CAPN11: variants seen among roughly 807,000 people sequenced by gnomAD.
The protein encoded by CAPN11 is calpain 11, also known as calpain-11.
Under a neutral mutation model 105.3 loss-of-function variants are expected in CAPN11, and 108 were observed. The observed-to-expected ratio is 1.03, with a 90% confidence interval of 0.88 to 1.20. CAPN11 has a LOEUF of 1.20. Among genes scored for constraint, CAPN11 ranks in the 50% most tolerant of loss-of-function variants. The pLI is 0.00. For missense variants in CAPN11, 883 were observed against 924.8 expected, an observed-to-expected ratio of 0.95 and a Z score of 0.59; for synonymous variants, 329 against 344.5, an observed-to-expected ratio of 0.96 and a Z score of 0.50.
At chr6:44,183,077 G>A in intron 20 of CAPN11, 42 bp from the exon 21 acceptor site, 1 of 1,595,520 alleles carries the variant, frequency 6.3e-7, no homozygotes, top group African/African-American at 1.3e-5. Flanking sequence ...GTGTCCAGAG[G>A]CCCAGACTTT....
intron 1 of CAPN11, among the ~76,000 whole-genome samples, chr6:44,159,979 C>A (rs1768415105): frequency 6.6e-6 from 1 of 151,886 alleles, no homozygotes; most frequent in Non-Finnish European, 1.5e-5. Flanking sequence ...TACTAAAATA[C>A]AAAAATTAGC....
intron 12 of CAPN11, among the ~76,000 whole-genome samples, chr6:44,178,998 A>G (rs1772665195): frequency 6.6e-6 from 1 of 152,172 alleles, no homozygotes; most frequent in African/African-American, 2.4e-5. Context: ...AAGCACACTG[A>G]GGTGCTGATA....
intron 7 of CAPN11, among the ~76,000 whole-genome samples, chr6:44,175,307 C>T (rs1009192004): frequency 6.6e-5 from 10 of 152,202 alleles, no homozygotes; most frequent in African/African-American, 2.2e-4. Flanking sequence ...TGGCAAGACC[C>T]AATCTCTACT....
intron 4 of CAPN11, among the ~76,000 whole-genome samples, chr6:44,170,992 G>A (rs773065068): frequency 1.3e-5 from 2 of 152,186 alleles, no homozygotes; most frequent in Non-Finnish European, 2.9e-5. Flanking sequence ...GCAGAGCAGA[G>A]GCCAAGGAGA....
At chr6:44,165,892 A>G (rs961247944) in intron 1 of CAPN11, among the ~76,000 whole-genome samples, 3 of 152,146 alleles carry the variant, frequency 2.0e-5, no homozygotes, top group Non-Finnish European at 4.4e-5. Flanking sequence ...TCGGGGGAGC[A>G]TATGTGATGA....
chr6:44,166,101 T>C (rs1259198027), intron 1 of CAPN11, among the ~76,000 whole-genome samples: 1 of 151,970 alleles, frequency 6.6e-6, no homozygotes, highest in Non-Finnish European at 1.5e-5. Context: ...GGGTTCATTA[T>C]AGGACCTGAG....
At chr6:44,174,527 A>G (rs1771603205) in intron 7 of CAPN11, among the ~76,000 whole-genome samples, 1 of 151,458 alleles carries the variant, frequency 6.6e-6, no homozygotes, top group African/African-American at 2.4e-5. Context: ...AAAAAAAAAA[A>G]AAAAAAGAAA....
Position 44,169,926 on chromosome 6 carries a change from A to G in CAPN11, c.360A>G (p.Leu120=), listed in dbSNP as rs2275745. 9.7e-4 allele frequency: 1,568 copies of G among 1,612,054 alleles called. 31 individuals are homozygous for G. In the East Asian group the frequency reaches 0.026, roughly 26 times the overall value. The change falls in exon 4 of 23, where the codon CTA becomes CTG. Residue 120 remains leucine, a synonymous_variant. Coordinates refer to ENST00000398776, the MANE Select transcript of CAPN11 (RefSeq NM_007058.4). The part of the protein sequence containing the change: ...QRPKDIINNP[L]FIMDGISPTD... ...TGCAGGATATCATAAACAACCCTCT[A>G]TTCATCATGGATGGGATTTCTCCAA...
intron 2 of CAPN11, among the ~76,000 whole-genome samples, 186 bp downstream of exon 2, chr6:44,167,015 G>A (rs889659922): frequency 6.6e-6 from 1 of 152,082 alleles, no homozygotes; most frequent in Non-Finnish European, 1.5e-5. Context: ...GGGGGCGGAG[G>A]TGTGGGCAGG....
In CAPN11 at chr6:44,169,529, A is replaced by C. The variant is rs752928456; in HGVS notation, c.337A>C (p.Lys113Gln). 26 of 1,568,250 alleles carry C rather than the reference A, an allele frequency of 1.7e-5. No homozygotes were observed. The highest frequency in any genetic ancestry group is 2.2e-5 in the Non-Finnish European group (25 of 1,156,608). ...NVQNISWQRP[K>Q]DIINNPLFIM... ...GCAGAACATCTCCTGGCAGCGGCCC[A>C]AGGTGGGCACTGGAAGGGAGGCATG... The change falls in exon 3 of 23, where the codon AAG (lysine) becomes CAG (glutamine). Residue 113 changes from lysine to glutamine, a missense_variant and splice_region_variant. Lys to Gln is a moderately conservative substitution (Grantham distance 53, BLOSUM62 1). Coordinates refer to ENST00000398776, the MANE Select transcript of CAPN11 (RefSeq NM_007058.4).
chr6:44,169,436 G>A lies in CAPN11; in HGVS notation c.244G>A (p.Asp82Asn). 6.2e-7 allele frequency: 1 copy of A among 1,613,132 alleles called. No homozygotes were observed. Among genetic ancestry groups the A allele is most frequent in the Non-Finnish European group, 8.5e-7 (1 of 1,179,564 alleles). The part of the protein sequence containing the change: ...ACLRKGELFE[D>N]PLFPAEPSSL... Reference sequence around the variant, plus strand: ...TCTAAGAAAGGGGGAGCTCTTCGAGGACCCCTTATTCCCTGCTGAACCCAG... The same window carrying A: ...TCTAAGAAAGGGGGAGCTCTTCGAGAACCCCTTATTCCCTGCTGAACCCAG... Residue 82 changes from aspartate (D) to asparagine (N), a missense_variant, in exon 3 of 23, where the codon GAC becomes AAC. Physicochemically the swap from Asp to Asn is conservative, Grantham distance 23. Transcript: ENST00000398776.
Position 44,181,305 on chromosome 6 carries a change from A to G in CAPN11, c.1923A>G (p.Lys641=), listed in dbSNP as rs371969269. 640 of 1,613,104 alleles carry G rather than the reference A, an allele frequency of 4.0e-4. No individual in the cohort carries two copies. Among genetic ancestry groups the G allele is most frequent in the Non-Finnish European group, 5.1e-4 (597 of 1,179,552 alleles). ...GLLEFKILWK[K]LKKWMDIFRE... ...TAGAGTTCAAGATCCTGTGGAAAAA[A>G]CTCAAGAAATGGATGGTAAAGGGCA... is the stretch of plus-strand genomic sequence containing the variant. Residue 641 remains lysine (K), a synonymous_variant, in exon 19 of 23, where the codon AAA becomes AAG. Transcript: ENST00000398776.
At chr6:44,159,566 G>A (rs1187209701) in intron 1 of CAPN11, among the ~76,000 whole-genome samples, 4 of 152,028 alleles carry the variant, frequency 2.6e-5, no homozygotes, top group Non-Finnish European at 5.9e-5. Flanking sequence ...GGCCCTCCCT[G>A]TTTACCTGAC....
intron 1 of CAPN11, 108 bp from the exon 2 acceptor site, chr6:44,166,650 C>A (rs888322503): frequency 2.0e-5 from 16 of 814,584 alleles, no homozygotes; most frequent in Non-Finnish European, 3.3e-5. Flanking sequence ...CGCCCCAACC[C>A]AGTTCTTTTC....
At chr6:44,170,907 A>G (rs1770877772) in intron 4 of CAPN11, among the ~76,000 whole-genome samples, 1 of 152,152 alleles carries the variant, frequency 6.6e-6, no homozygotes, top group Non-Finnish European at 1.5e-5. Context: ...CTGCCTCTTT[A>G]GGGATAAAGC....
intron 7 of CAPN11, 30 bp from the exon 8 acceptor site, chr6:44,176,038 C>T: frequency 6.5e-7 from 1 of 1,530,442 alleles, no homozygotes; most frequent in South Asian, 1.1e-5. Context: ...TCCATGCCCT[C>T]CATGCTCTCC....
chr6:44,178,863 C>A (rs373386666), intron 12 of CAPN11, among the ~76,000 whole-genome samples: 1 of 151,782 alleles, frequency 6.6e-6, no homozygotes, highest in Non-Finnish European at 1.5e-5. Context: ...GTCGAAGCTG[C>A]GGCAAGCCAT....
In CAPN11 at chr6:44,183,112, C is replaced by T. The variant is rs1019463792; in HGVS notation, c.2018-7C>T. ...TTCCCCTCCCCACTTCTCTCTCCCT[C>T]TCTCAGGCATCAAGCTGAACAACAA... is the stretch of plus-strand genomic sequence containing the variant. On this transcript the variant is annotated splice_polypyrimidine_tract_variant and splice_region_variant and intron_variant, in intron 20 of 22. Coordinates refer to ENST00000398776, the MANE Select transcript of CAPN11 (RefSeq NM_007058.4). 1.1e-5 allele frequency: 18 copies of T among 1,608,108 alleles called. No homozygotes were observed. The highest frequency in any genetic ancestry group is 8.9e-5 in the East Asian group (4 of 44,866).
At chr6:44,170,230 T>G (rs1034504044) in intron 4 of CAPN11, among the ~76,000 whole-genome samples, 1 of 152,160 alleles carries the variant, frequency 6.6e-6, no homozygotes, top group Admixed American at 6.5e-5. Context: ...TTTGACTACA[T>G]AATAAATTAC....
Sources: gnomAD v4.1 joint callset for allele counts (sites outside exome capture counted in the v4.1 genomes callset) on GRCh38, gnomAD v4.1.1 for gene constraint, MANE v1.5 for transcripts, NCBI Gene and HGNC (gene_info 2026-07-23, HGNC 2026-07-21) for gene names.